The following MEF2C variants were observed in gnomAD, a reference collection of about 807,000 sequenced individuals.
MEF2C encodes myocyte-specific enhancer factor 2C.
In MEF2C, 6 loss-of-function variants were observed where a neutral mutation model predicts 50.5. The ratio of observed to expected loss-of-function variants is 0.12; its 90% CI spans 0.07 to 0.23. The LOEUF is 0.23. Ranked by LOEUF, MEF2C falls within the 10% of genes least tolerant of loss-of-function variation. The pLI, the probability that MEF2C is intolerant of heterozygous loss-of-function variation, is 1.00. For synonymous variants in MEF2C, 183 were observed against 228.0 expected (o/e 0.80, Z 1.78); for missense variants, 276 against 605.0 (o/e 0.46, Z 5.70).
chr5:88,835,912 A>AGGT (rs1814913954), intron 1 of MEF2C, among the ~76,000 whole-genome samples: 1 of 152,104 alleles, frequency 6.6e-6, no homozygotes, highest in African/African-American at 2.4e-5. Context: ...TGAAACAGAA[A>AGGT]TGCCTAATGA....
intron 2 of MEF2C, among the ~76,000 whole-genome samples, chr5:88,813,003 G>A (rs1490779332): frequency 6.6e-6 from 1 of 152,062 alleles, no homozygotes; most frequent in Non-Finnish European, 1.5e-5. Flanking sequence ...TTTAATTAAC[G>A]TAAGGACTGC....
At chr5:88,821,937 A>G (rs1808581343) in intron 2 of MEF2C, among the ~76,000 whole-genome samples, 1 of 151,984 alleles carries the variant, frequency 6.6e-6, no homozygotes, top group Non-Finnish European at 1.5e-5. Flanking sequence ...TAATACAAAG[A>G]AATGATAAAT....
At chr5:88,859,736 T>G (rs1824845595) in intron 1 of MEF2C, among the ~76,000 whole-genome samples, 1 of 152,234 alleles carries the variant, frequency 6.6e-6, no homozygotes, top group Non-Finnish European at 1.5e-5. Context: ...ATGACAGATG[T>G]AAAGCTAATG....
chr5:88,869,280 T>TATATATATAC (rs1828583920), intron 1 of MEF2C, among the ~76,000 whole-genome samples: 1 of 73,946 alleles, frequency 1.4e-5, no homozygotes, highest in Non-Finnish European at 2.4e-5. Context: ...TATATATACA[T>TATATATATAC]ATATATATAT....
At chr5:88,854,719 G>T (rs534731058) in intron 1 of MEF2C, among the ~76,000 whole-genome samples, 2 of 152,230 alleles carry the variant, frequency 1.3e-5, no homozygotes, top group African/African-American at 4.8e-5. Context: ...AGCTCAAGGA[G>T]TTTACAATCT....
intron 5 of MEF2C, chr5:88,751,578 T>G (rs978411976): frequency 1.4e-5 from 13 of 957,370 alleles, no homozygotes; most frequent in Non-Finnish European, 1.5e-5. Context: ...AGAAAGGATA[T>G]CTGACATCCT....
intron 3 of MEF2C, among the ~76,000 whole-genome samples, chr5:88,792,011 C>T (rs141389914): frequency 4.6e-5 from 7 of 152,006 alleles, no homozygotes; most frequent in African/African-American, 1.2e-4. Flanking sequence ...CTTACTTAGT[C>T]ACTAGCAGTA....
At chr5:88,807,758 A>C (rs912808258) in intron 2 of MEF2C, among the ~76,000 whole-genome samples, 1 of 152,214 alleles carries the variant, frequency 6.6e-6, no homozygotes, top group African/African-American at 2.4e-5. Flanking sequence ...TGACTTGAAG[A>C]GTCTACCAGT....
At chr5:88,827,121 C>T (rs540786809) in intron 1 of MEF2C, 2 of 151,932 alleles carry the variant, frequency 1.3e-5, no homozygotes, top group African/African-American at 4.8e-5. Context: ...GGTTTGAGAC[C>T]CAAGTCGAGA....
At chr5:88,732,115 G>A (rs1390648543) in intron 6 of MEF2C, among the ~76,000 whole-genome samples, 1 of 152,130 alleles carries the variant, frequency 6.6e-6, no homozygotes, top group African/African-American at 2.4e-5. Flanking sequence ...TGAGAAGAGA[G>A]CCAATATACA....
intron 1 of MEF2C, among the ~76,000 whole-genome samples, chr5:88,846,844 A>G (rs1433098431): frequency 6.6e-6 from 1 of 152,216 alleles, no homozygotes; most frequent in Admixed American, 6.5e-5. Context: ...AACACGTGGA[A>G]TGGATATAGT....
At chr5:88,869,426 G>T (rs919940906) in intron 1 of MEF2C, among the ~76,000 whole-genome samples, 2 of 150,580 alleles carry the variant, frequency 1.3e-5, no homozygotes, top group African/African-American at 4.9e-5. Flanking sequence ...TTTCCTGAAC[G>T]TTGTATTGTT....
intron 1 of MEF2C, among the ~76,000 whole-genome samples, chr5:88,862,071 G>C (rs894694196): frequency 1.3e-5 from 2 of 152,110 alleles, no homozygotes; most frequent in Non-Finnish European, 2.9e-5. Context: ...TAAGTACCTG[G>C]TTTGTGAAGG....
chr5:88,863,467 A>G (rs533954341), intron 1 of MEF2C, among the ~76,000 whole-genome samples: 1 of 152,380 alleles, frequency 6.6e-6, no homozygotes, highest in African/African-American at 2.4e-5. Flanking sequence ...TGTTTCTGAA[A>G]CTGTAAGAAT....
rs188869374 is a variant in MEF2C at position 88,846,619 on chromosome 5, G to C, written c.-142-22689C>G. ...CAAACACAGTTTATCCCTGCAGGGA[G>C]ATTACCTGTAATGCCGCCAAGGTCA... On this transcript the variant is annotated intron_variant, in intron 1 of 10. Coordinates refer to ENST00000504921, the MANE Select transcript of MEF2C (RefSeq NM_002397.5). 1.8e-3 allele frequency among the ~76,000 whole-genome samples: 281 copies of C among 152,306 alleles called. 1 individual carries two copies. Among genetic ancestry groups the C allele is most frequent in the African/African-American group, 6.5e-3 (272 of 41,562 alleles).
At chr5:88,776,343 T>C (rs182456773) in intron 3 of MEF2C, among the ~76,000 whole-genome samples, 14 of 152,358 alleles carry the variant, frequency 9.2e-5, no homozygotes, top group African/African-American at 2.9e-4. Flanking sequence ...TTATTTTTTA[T>C]GGTGAGACAT....
intron 1 of MEF2C, among the ~76,000 whole-genome samples, chr5:88,862,777 C>T (rs1016935774): frequency 4.6e-5 from 7 of 152,084 alleles, no homozygotes; most frequent in African/African-American, 1.7e-4. Context: ...CAGGAGTGGG[C>T]GCTGAGGAGG....
At chr5:88,776,736 G>A (rs948945196) in intron 3 of MEF2C, among the ~76,000 whole-genome samples, 4 of 152,202 alleles carry the variant, frequency 2.6e-5, no homozygotes, top group African/African-American at 9.7e-5. Context: ...AAAATCAAGT[G>A]AACACTTCAA....
intron 3 of MEF2C, among the ~76,000 whole-genome samples, chr5:88,784,596 C>T (rs1291311446): frequency 6.6e-6 from 1 of 152,032 alleles, no homozygotes; most frequent in African/African-American, 2.4e-5. Flanking sequence ...TTTATTTCAG[C>T]AGTTAAAAAG....
Sources: allele counts gnomAD v4.1 joint callset (sites outside exome capture counted in the v4.1 genomes callset), GRCh38; gene constraint gnomAD v4.1.1; transcripts MANE v1.5; gene names NCBI Gene and HGNC (gene_info 2026-07-23, HGNC 2026-07-21).